The following DNER variants were observed in gnomAD, a reference collection of about 807,000 sequenced individuals.
DNER encodes the protein delta/notch like EGF repeat containing.
DNER carries 33 observed loss-of-function variants against 78.2 expected under a neutral mutation model. That is an observed-to-expected ratio of 0.42 (90% CI 0.32 to 0.56). The LOEUF is 0.56. Among genes scored for constraint, DNER ranks in the 20% least tolerant of loss-of-function variants. The pLI is 0.11. For missense variants in DNER, 918 were observed against 975.3 expected (o/e 0.94, Z 0.78); for synonymous variants, 417 against 384.8 (o/e 1.08, Z -0.98).
intron 1 of DNER, among the ~76,000 whole-genome samples, chr2:229,680,417 A>G (rs2193217): frequency 1 from 152,188 of 152,340 alleles, 76,018 homozygotes; most frequent in Non-Finnish European, 1. Context: ...TTATGTTCCT[A>G]CCAGTAGACT....
chr2:229,623,512 G>A (rs72991696), intron 1 of DNER, among the ~76,000 whole-genome samples: 3,126 of 152,264 alleles, frequency 0.021, 45 homozygotes, highest in Middle Eastern at 0.034. Context: ...CCAGGCAGCC[G>A]GGCATGAGCT....
At chr2:229,582,874 C>T (rs898220363) in intron 4 of DNER, among the ~76,000 whole-genome samples, 15 of 152,046 alleles carry the variant, frequency 9.9e-5, no homozygotes, top group Admixed American at 7.9e-4. Context: ...CTCCTGACCG[C>T]GTGATCCACC....
At chr2:229,589,544 G>A (rs1398140786) in intron 2 of DNER, among the ~76,000 whole-genome samples, 2 of 152,188 alleles carry the variant, frequency 1.3e-5, no homozygotes, top group African/African-American at 4.8e-5. Context: ...ATATTAACAT[G>A]TCTTCCTCTG....
intron 4 of DNER, among the ~76,000 whole-genome samples, chr2:229,547,713 A>G (rs1696653906): frequency 6.6e-6 from 1 of 152,224 alleles, no homozygotes; most frequent in Admixed American, 6.5e-5. Context: ...GTTAAGCCAT[A>G]CAGTTTTAGC....
chr2:229,444,380 A>C lies in DNER; in HGVS notation c.1486+2936T>G, dbSNP rs17676816. On this transcript the variant is annotated intron_variant, in intron 8 of 12. Coordinates refer to ENST00000341772, the MANE Select transcript of DNER (RefSeq NM_139072.4). ...AAACTGAGTCCCAGAGATGCCTGTAAATTTCCTATGGTTTTAGTCAATAAG... is the reference window on the plus strand; with the variant it reads ...AAACTGAGTCCCAGAGATGCCTGTACATTTCCTATGGTTTTAGTCAATAAG... 2.4e-3 allele frequency among the ~76,000 whole-genome samples: 372 copies of C among 152,224 alleles called. 14 individuals carry two copies. The East Asian group carries it at 0.059, about 24-fold the overall frequency.
intron 5 of DNER, among the ~76,000 whole-genome samples, chr2:229,533,657 A>T (rs868089964): frequency 6.6e-6 from 1 of 152,164 alleles, no homozygotes; most frequent in Non-Finnish European, 1.5e-5. Context: ...CACTTGGGCC[A>T]TCGTTCACCG....
chr2:229,411,294 C>T (rs1446425001), intron 9 of DNER, among the ~76,000 whole-genome samples: 3 of 152,288 alleles, frequency 2.0e-5, no homozygotes, highest in East Asian at 1.9e-4. Flanking sequence ...GAGTAGCTCA[C>T]GCCGGTAATC....
intron 1 of DNER, among the ~76,000 whole-genome samples, chr2:229,713,279 G>T (rs950418932): frequency 6.6e-6 from 1 of 152,224 alleles, no homozygotes; most frequent in African/African-American, 2.4e-5. Context: ...GTTTCACAGA[G>T]CTTTAACGGA....
intron 12 of DNER, among the ~76,000 whole-genome samples, chr2:229,363,606 A>C (rs1001514309): frequency 3.3e-5 from 5 of 152,228 alleles, no homozygotes; most frequent in Admixed American, 6.5e-5. Context: ...TGCATGCAGG[A>C]GCTTGCCCGT....
At chr2:229,373,076 G>A (rs899151316) in intron 11 of DNER, among the ~76,000 whole-genome samples, 4 of 152,060 alleles carry the variant, frequency 2.6e-5, no homozygotes, top group South Asian at 2.1e-4. Flanking sequence ...AAAAGCAATC[G>A]CAACAAATGC....
intron 8 of DNER, among the ~76,000 whole-genome samples, chr2:229,442,791 T>C (rs1012799340): frequency 1.3e-5 from 2 of 152,162 alleles, no homozygotes; most frequent in Non-Finnish European, 2.9e-5. Context: ...GAAGGAGCAG[T>C]GTCAACTGTG....
chr2:229,489,075 G>T, intron 6 of DNER, among the ~76,000 whole-genome samples: 1 of 152,258 alleles, frequency 6.6e-6, no homozygotes, highest in East Asian at 1.9e-4. Flanking sequence ...CACAATAAAT[G>T]AGTAGTGGAA....
intron 1 of DNER, among the ~76,000 whole-genome samples, chr2:229,619,957 A>G (rs1698226509): frequency 6.6e-6 from 1 of 152,236 alleles, no homozygotes. Flanking sequence ...TTTTTGAACA[A>G]GGAAAAGCCT....
At chr2:229,361,218 G>GT (rs35877686) in intron 12 of DNER, among the ~76,000 whole-genome samples, 58,579 of 148,730 alleles carry the variant, frequency 0.39, 12,081 homozygotes, top group Middle Eastern at 0.46. Flanking sequence ...GACTAACAGT[G>GT]TTTTTTTTTT....
At chr2:229,528,545 T>C (rs1472687529) in intron 5 of DNER, among the ~76,000 whole-genome samples, 1 of 152,146 alleles carries the variant, frequency 6.6e-6, no homozygotes. Context: ...GCAATTTCAG[T>C]AAATGCTGGA....
chr2:229,413,416 G>A (rs183167843), intron 9 of DNER, among the ~76,000 whole-genome samples: 7 of 139,200 alleles, frequency 5.0e-5, no homozygotes, highest in African/African-American at 1.1e-4. Flanking sequence ...TCCGCCTCCC[G>A]GGTTCAAGTG....
At chr2:229,615,561 A>T (rs1033269246) in intron 1 of DNER, among the ~76,000 whole-genome samples, 3 of 152,004 alleles carry the variant, frequency 2.0e-5, no homozygotes, top group African/African-American at 7.2e-5. Context: ...TACAAAAAAA[A>T]ATTAGCCGGA....
At chr2:229,560,466 T>A (rs1381037796) in intron 4 of DNER, among the ~76,000 whole-genome samples, 2 of 151,974 alleles carry the variant, frequency 1.3e-5, no homozygotes, top group Non-Finnish European at 2.9e-5. Context: ...ACAGATTCCA[T>A]CCCCAGATGA....
intron 1 of DNER, among the ~76,000 whole-genome samples, chr2:229,592,506 T>C (rs1202212645): frequency 6.6e-6 from 1 of 152,206 alleles, no homozygotes; most frequent in Non-Finnish European, 1.5e-5. Context: ...TTATGAAATT[T>C]TTTATTTCTT....
Sources: allele counts gnomAD v4.1 joint callset (sites outside exome capture counted in the v4.1 genomes callset), GRCh38; gene constraint gnomAD v4.1.1; transcripts MANE v1.5; gene names NCBI Gene and HGNC (gene_info 2026-07-23, HGNC 2026-07-21).